C1orf232: variants seen among roughly 807,000 people sequenced by gnomAD.
The protein encoded by C1orf232 is uncharacterized protein C1orf232.
In C1orf232, 10 loss-of-function variants were observed where a neutral mutation model predicts 12.1. The observed-to-expected ratio is 0.82, with a 90% CI of 0.51 to 1.40. The LOEUF (loss-of-function observed/expected upper bound fraction) is 1.40, where lower values mean the gene tolerates loss of function less well. C1orf232 is among the 40% of genes most tolerant of loss of function. C1orf232 has a pLI of 0.00. For synonymous variants in C1orf232, 36 were observed against 39.8 expected (o/e 0.90, Z 0.36); for missense variants, 88 against 98.4 (o/e 0.89, Z 0.45).
chr1:26,166,046 G>A lies in C1orf232; in HGVS notation c.157C>T (p.Leu53=). 1 of 1,231,672 alleles carries A rather than the reference G, an allele frequency of 8.1e-7. No individual in the cohort carries two copies. The highest frequency in any genetic ancestry group is 1.0e-6 in the Non-Finnish European group (1 of 988,012). The allele number at this position is 1,231,672 out of a possible 1,614,324, so 76.3% of individuals were successfully genotyped here. A position where few individuals can be genotyped will look rare whatever the true frequency, so the allele number is the denominator to read the frequency against. ...TEETFNPMSQ[L]ARRVQGVGVK... ...GGGAGAATACTCACCCGGCGGGCCA[G>A]CTGTGACATGGGATTGAAGGTCTCC... Residue 53 remains leucine (L), a synonymous_variant, in exon 2 of 4, where the codon CTG becomes TTG. Coordinates refer to ENST00000634842, the MANE Select transcript of C1orf232 (RefSeq NM_001364669.2).
chr1:26,168,068 G>A (rs111412504), intron 1 of C1orf232, among the ~76,000 whole-genome samples: 1,563 of 152,218 alleles, frequency 0.01, 27 homozygotes, highest in African/African-American at 0.035. Flanking sequence ...GTAACATGGG[G>A]CTCACTACAT....
In C1orf232 at chr1:26,164,138, G is replaced by T; in HGVS notation, c.*23C>A. On this transcript the variant is annotated 3_prime_UTR_variant, in exon 4 of 4. Coordinates refer to ENST00000634842, the MANE Select transcript of C1orf232 (RefSeq NM_001364669.2). This position sits in a 1 kb window ranked among gnomAD's most constrained non-coding sequence, Gnocchi z 4.2. ...GTTTTTTATCAGGGGTGGGAGCAGC[G>T]GGCGCGGGGTTCTGCCAGCCTGCTA... is the stretch of plus-strand genomic sequence containing the variant. 1 of 398,266 alleles carries T rather than the reference G, an allele frequency of 2.5e-6. No homozygotes were observed. The highest frequency in any genetic ancestry group is 6.3e-4 in the Middle Eastern group (1 of 1,588). The allele number at this position is 398,266 out of a possible 1,614,324, so 24.7% of individuals were successfully genotyped here.
intron 1 of C1orf232, among the ~76,000 whole-genome samples, chr1:26,167,192 A>T (rs535979988): frequency 1.4e-4 from 22 of 152,248 alleles, no homozygotes; most frequent in African/African-American, 5.3e-4. Context: ...CAGACATAAG[A>T]CTGTCCCTGG....
rs1450828425 is a variant in C1orf232 at position 26,164,512 on chromosome 1, G to T, written c.267-57C>A. Reference sequence around the variant, plus strand: ...CCGGGCGGTCCCGCGGAGGAACATCGGCTGGGCTGACGGAGGAGTTTAGTG... The same window carrying T: ...CCGGGCGGTCCCGCGGAGGAACATCTGCTGGGCTGACGGAGGAGTTTAGTG... On this transcript the variant is annotated intron_variant, in intron 3 of 3. Transcript: ENST00000634842. This position sits in a 1 kb window ranked among gnomAD's most constrained non-coding sequence, Gnocchi z 4.2. The T allele has an allele frequency of 2.7e-6, 1 of 370,976 alleles. No individual in the cohort carries two copies. Among genetic ancestry groups the T allele is most frequent in the South Asian group, 1.3e-4 (1 of 7,578 alleles). The allele number at this position is 370,976 out of a possible 1,614,324, so 23.0% of individuals were successfully genotyped here.
chr1:26,164,199 C>T lies in C1orf232; in HGVS notation c.523G>A (p.Ala175Thr), dbSNP rs921236084. 103 of 398,506 alleles carry T rather than the reference C, an allele frequency of 2.6e-4. No homozygotes were observed. In the Middle Eastern group the frequency reaches 6.3e-3, roughly 24 times the overall value. The allele number at this position is 398,506 out of a possible 1,614,324, so 24.7% of individuals were successfully genotyped here. Residue 175 changes from alanine (A) to threonine (T), a missense_variant, in exon 4 of 4, where the codon GCC becomes ACC. By Grantham distance (58) the Ala-to-Thr change is moderately conservative. Transcript: ENST00000634842. The surrounding 1 kb of genome is among the most constrained non-coding windows in gnomAD (Gnocchi z 4.2). The stretch of plus-strand genomic sequence containing the variant: ...GGCGCAGCCTTCACCCTCATCTCGG[C>T]CAGTTTGTGAGTGAGGAAGCCCCAC... Reference protein sequence around the residue: ...FKWGFLTHKLAEMRVKAAPKG... With the variant: ...FKWGFLTHKLTEMRVKAAPKG...
rs2088422494 is a variant in C1orf232, at chr1:26,166,036, C to T, written c.167G>A (p.Arg56Gln). The part of the protein sequence containing the change: ...TFNPMSQLAR[R>Q]VQGVGVKGWL... ...GGTGGAAGAAGGGAGAATACTCACC[C>T]GGCGGGCCAGCTGTGACATGGGATT... Residue 56 changes from arginine to glutamine, a missense_variant and splice_region_variant, in exon 2 of 4, where the codon CGG becomes CAG. Transcript: ENST00000634842. 17 of 1,231,692 alleles carry T rather than the reference C, an allele frequency of 1.4e-5. No homozygotes were observed. The highest frequency in any genetic ancestry group is 1.6e-5 in the Non-Finnish European group (16 of 987,994). The allele number at this position is 1,231,692 out of a possible 1,614,324, so 76.3% of individuals were successfully genotyped here.
chr1:26,164,581 C>T lies in C1orf232; in HGVS notation c.267-126G>A, dbSNP rs578070981. 1 of 323,846 alleles carries T rather than the reference C, an allele frequency of 3.1e-6. No homozygotes were observed. The highest frequency in any genetic ancestry group is 5.6e-6 in the Non-Finnish European group (1 of 179,910). 20.1% of individuals were successfully genotyped at this position (323,846 alleles called of 1,614,324 possible). ...CGGAGTCAGGGGCAGTGGTGAGGAG[C>T]GGGGTCAGGTGACCAGTGGGGGACC... On this transcript the variant is annotated intron_variant, in intron 3 of 3. Transcript: ENST00000634842. This position sits in a 1 kb window ranked among gnomAD's most constrained non-coding sequence, Gnocchi z 4.2.
At position 26,168,494 on chromosome 1, in the gene C1orf232, G is replaced by A. The variant is rs1035499608; in HGVS notation, c.6C>T (p.Asn2=). M[N]QAFWKTYKSK... ...ACTTGTAGGTTTTCCAGAAGGCCTG[G>A]TTCATGGCTGCAGGGGGAAGGGGCC... Residue 2 remains asparagine (N), a synonymous_variant, in exon 1 of 4, where the codon AAC becomes AAT. Coordinates refer to ENST00000634842, the MANE Select transcript of C1orf232 (RefSeq NM_001364669.2). 1.6e-6 allele frequency: 2 copies of A among 1,231,954 alleles called. No homozygotes were observed. The highest frequency in any genetic ancestry group is 4.1e-5 in the South Asian group (1 of 24,320). The allele number at this position is 1,231,954 out of a possible 1,614,324, so 76.3% of individuals were successfully genotyped here.
intron 1 of C1orf232, 108 bp from the exon 2 acceptor site, chr1:26,166,226 G>T: frequency 1.4e-6 from 1 of 698,406 alleles, no homozygotes; most frequent in Non-Finnish European, 2.0e-6. Flanking sequence ...AAATCCCACA[G>T]AACTAAACAC....
chr1:26,166,836 A>G (rs1481824938), intron 1 of C1orf232, among the ~76,000 whole-genome samples: 4 of 152,134 alleles, frequency 2.6e-5, no homozygotes, highest in East Asian at 1.9e-4. Flanking sequence ...CACTTATACA[A>G]CCACAGACAG....
rs1415440101 is a variant in C1orf232 at position 26,164,516 on chromosome 1, G to C, written c.267-61C>G. The C allele has an allele frequency of 8.1e-6, 3 of 370,456 alleles. No individual in the cohort carries two copies. Among genetic ancestry groups the C allele is most frequent in the South Asian group, 2.6e-4 (2 of 7,562 alleles). The allele number at this position is 370,456 out of a possible 1,614,324, so 22.9% of individuals were successfully genotyped here. ...GCGGTCCCGCGGAGGAACATCGGCTGGGCTGACGGAGGAGTTTAGTGGGGC... is the reference window on the plus strand; with the variant it reads ...GCGGTCCCGCGGAGGAACATCGGCTCGGCTGACGGAGGAGTTTAGTGGGGC... On this transcript the variant is annotated intron_variant, in intron 3 of 3. Transcript: ENST00000634842. This position sits in a 1 kb window ranked among gnomAD's most constrained non-coding sequence, Gnocchi z 4.2.
intron 2 of C1orf232, 38 bp downstream of exon 2, chr1:26,165,997 C>A: frequency 8.1e-7 from 1 of 1,231,646 alleles, no homozygotes; most frequent in Non-Finnish European, 1.0e-6. Context: ...CTCTGCCAGG[C>A]TGCCCAGGGT....
In C1orf232 at chr1:26,166,993, C is replaced by T. The variant is rs566545212; in HGVS notation, c.85-875G>A. 7.9e-5 allele frequency among the ~76,000 whole-genome samples: 12 copies of T among 152,368 alleles called. No homozygotes were observed. The East Asian group carries it at 2.1e-3, about 27-fold the overall frequency. On this transcript the variant is annotated intron_variant, in intron 1 of 3. Coordinates refer to ENST00000634842, the MANE Select transcript of C1orf232 (RefSeq NM_001364669.2). ...CCCAAAATGTTCACACCTTCACATA[C>T]ACTTTCACTGGGGATTCCACCCAGA...
chr1:26,165,570 C>T (rs984711004), intron 3 of C1orf232: 9 of 495,214 alleles, frequency 1.8e-5, no homozygotes, highest in East Asian at 3.6e-5. Context: ...CCCTCCCAAG[C>T]GGATGGGTCG....
Position 26,164,434 on chromosome 1 carries a change from G to C in C1orf232, c.288C>G (p.Pro96=), listed in dbSNP as rs1180564207. The C allele has an allele frequency of 5.3e-6, 2 of 378,896 alleles. No individual in the cohort carries two copies. Among genetic ancestry groups the C allele is most frequent in the Non-Finnish European group, 9.4e-6 (2 of 213,598 alleles). The allele number at this position is 378,896 out of a possible 1,614,324, so 23.5% of individuals were successfully genotyped here. A position where few individuals can be genotyped will look rare whatever the true frequency, so the allele number is the denominator to read the frequency against. ...CADHPLAARP[P]SQAAAAAEAR... ...CCTCCGCCGCCGCCGCCGCCTGCGAGGGGGGTCGCGCCGCCAGAGGGCTGC... is the reference window on the plus strand; with the variant it reads ...CCTCCGCCGCCGCCGCCGCCTGCGACGGGGGTCGCGCCGCCAGAGGGCTGC... The change falls in exon 4 of 4, where the codon CCC becomes CCG. Residue 96 remains proline, a synonymous_variant. Coordinates refer to ENST00000634842, the MANE Select transcript of C1orf232 (RefSeq NM_001364669.2). The surrounding 1 kb of genome is among the most constrained non-coding windows in gnomAD (Gnocchi z 4.2).
At position 26,164,611 on chromosome 1, in the gene C1orf232, CGAG is replaced by C. The variant is rs1257769481; in HGVS notation, c.267-159_267-157del. Among the ~76,000 whole-genome samples the C allele has an allele frequency of 6.7e-6, 1 of 149,980 alleles. No individual in the cohort carries two copies. Among genetic ancestry groups the C allele is most frequent in the Non-Finnish European group, 1.5e-5 (1 of 67,638 alleles). On this transcript the variant is annotated intron_variant, in intron 3 of 3. Transcript: ENST00000634842. The surrounding 1 kb of genome is among the most constrained non-coding windows in gnomAD (Gnocchi z 4.2). ...TCAGGTGACCAGTGGGGGACCGGGA[CGAG>C]GAGGAGGGTCAGGGCCTGGAGGCAA...
intron 2 of C1orf232, 33 bp from the exon 3 acceptor site, chr1:26,165,956 C>A: frequency 2.4e-6 from 3 of 1,231,434 alleles, no homozygotes; most frequent in Non-Finnish European, 3.0e-6. Flanking sequence ...GGGAGGGGGT[C>A]CAGCACAACC....
intron 1 of C1orf232, 114 bp downstream of exon 1, chr1:26,168,302 T>A: frequency 3.1e-6 from 2 of 655,324 alleles, no homozygotes; most frequent in Non-Finnish European, 4.3e-6. Flanking sequence ...GAATGTGGCA[T>A]CTGCACAAAT....
chr1:26,165,664 G>A (rs2088417675), intron 3 of C1orf232, 162 bp downstream of exon 3: 1 of 1,167,140 alleles, frequency 8.6e-7, no homozygotes, highest in East Asian at 3.2e-5. Flanking sequence ...TCCCAGATAT[G>A]CTGATTTGGC....
Sources: allele counts gnomAD v4.1 joint callset (sites outside exome capture counted in the v4.1 genomes callset), GRCh38; gene constraint gnomAD v4.1.1; non-coding constraint Gnocchi (gnomAD v3.1); transcripts MANE v1.5; gene names NCBI Gene and HGNC (gene_info 2026-07-23, HGNC 2026-07-21).